The following BEGAIN variants were observed in gnomAD, a reference collection of about 807,000 sequenced individuals.
The protein encoded by BEGAIN is brain-enriched guanylate kinase-associated protein.
A neutral mutation model predicts 35.8 loss-of-function variants in BEGAIN; 19 were observed. The ratio of observed to expected loss-of-function variants is 0.53; its 90% CI spans 0.37 to 0.78. The LOEUF (loss-of-function observed/expected upper bound fraction) is 0.78, where lower values mean the gene tolerates loss of function less well. Among genes scored for constraint, BEGAIN ranks in the 30% least tolerant of loss-of-function variants. The pLI is 0.00. For missense variants in BEGAIN, 795 were observed against 853.6 expected (o/e 0.93, Z 0.85); for synonymous variants, 462 against 388.6 (o/e 1.19, Z -2.22).
intron 2 of BEGAIN, among the ~76,000 whole-genome samples, chr14:100,564,049 C>T (rs1051192913): frequency 2.0e-5 from 3 of 151,330 alleles, no homozygotes; most frequent in Non-Finnish European, 2.9e-5. Flanking sequence ...GTCGGTGTCC[C>T]GGTGACTGCT....
In BEGAIN at chr14:100,537,984, T is replaced by C. The variant is rs1161905606; in HGVS notation, c.1824A>G (p.Gly608=). The C allele has an allele frequency of 1.2e-6, 2 of 1,608,754 alleles. No homozygotes were observed. The highest frequency in any genetic ancestry group is 8.5e-7 in the Non-Finnish European group (1 of 1,178,600). ...ACGCAGGCGCTCAGTTGAGCAAGGTTCCGTAGAGCTGGGCCTTGGTGAGGC... is the reference window on the plus strand; with the variant it reads ...ACGCAGGCGCTCAGTTGAGCAAGGTCCCGTAGAGCTGGGCCTTGGTGAGGC... ...KDSLTKAQLY[G]TLLN is the part of the protein sequence containing the mutation. Residue 608 remains glycine, a synonymous_variant, in exon 7 of 7, where the codon GGA becomes GGG. Transcript: ENST00000554140.
At position 100,537,888 on chromosome 14, in the gene BEGAIN, G is replaced by C; in HGVS notation, c.*81C>G. On this transcript the variant is annotated 3_prime_UTR_variant, in exon 7 of 7. Coordinates refer to ENST00000554140, the MANE Select transcript of BEGAIN (RefSeq NM_001385089.1). ...TGGCCGGGGCAGGGGAACAGCGGGG[G>C]CTGGGGAGAGGTGAGGCCGGCCCTT... is the stretch of plus-strand genomic sequence containing the variant. The C allele has an allele frequency of 5.4e-6, 8 of 1,490,968 alleles. No individual in the cohort carries two copies. The highest frequency in any genetic ancestry group is 7.2e-6 in the Non-Finnish European group (8 of 1,118,638). The allele number at this position is 1,490,968 out of a possible 1,614,324, so 92.4% of individuals were successfully genotyped here.
At chr14:100,578,263 C>G (rs2035245699) in intron 1 of BEGAIN, among the ~76,000 whole-genome samples, 1 of 152,236 alleles carries the variant, frequency 6.6e-6, no homozygotes, top group Admixed American at 6.5e-5. Flanking sequence ...GTGCACAGGG[C>G]CCTAGGCTGG....
At chr14:100,569,003 C>T (rs1440093941) in intron 1 of BEGAIN, 3 of 943,396 alleles carry the variant, frequency 3.2e-6, no homozygotes, top group Non-Finnish European at 3.8e-6. Context: ...GCCGCCTCCC[C>T]CACCGCCCCG....
chr14:100,569,953 G>A (rs987564467), intron 1 of BEGAIN, among the ~76,000 whole-genome samples: 14 of 152,170 alleles, frequency 9.2e-5, no homozygotes, highest in South Asian at 2.1e-4. Flanking sequence ...CGCTTCCCAC[G>A]GCTCCTCACC....
intron 1 of BEGAIN, among the ~76,000 whole-genome samples, chr14:100,580,169 G>T (rs1192017712): frequency 6.6e-6 from 1 of 152,182 alleles, no homozygotes; most frequent in African/African-American, 2.4e-5. Context: ...GCTGGGTGTG[G>T]TGGCGCCTGC....
In BEGAIN at chr14:100,586,497, T is replaced by G. The variant is rs1290567503; in HGVS notation, c.42+752A>C. On this transcript the variant is annotated intron_variant, in intron 1 of 6. Coordinates refer to ENST00000554140, the MANE Select transcript of BEGAIN (RefSeq NM_001385089.1). This position sits in a 1 kb window ranked among gnomAD's most constrained non-coding sequence, Gnocchi z 4.9. ...CTGTTCCTGCCCTGAGGAAACCACA[T>G]TGGGGATGGGGTGGGGCACAGACGA... 6.6e-6 allele frequency among the ~76,000 whole-genome samples: 1 copy of G among 151,824 alleles called. No individual in the cohort carries two copies. The highest frequency in any genetic ancestry group is 6.5e-5 in the Admixed American group (1 of 15,272).
rs1039703002 is a variant in BEGAIN, at chr14:100,568,683, G to T, written c.43-744C>A. 6.6e-6 allele frequency among the ~76,000 whole-genome samples: 1 copy of T among 151,742 alleles called. No individual in the cohort carries two copies. The highest frequency in any genetic ancestry group is 2.4e-5 in the African/African-American group (1 of 41,378). On this transcript the variant is annotated intron_variant, in intron 1 of 6. Coordinates refer to ENST00000554140, the MANE Select transcript of BEGAIN (RefSeq NM_001385089.1). This position sits in a 1 kb window ranked among gnomAD's most constrained non-coding sequence, Gnocchi z 7.5. ...CAGCCCCTCCGCGCGCCGGGCAGGGGGACCCACCCGCCGCCGTTAACCTTG... is the reference window on the plus strand; with the variant it reads ...CAGCCCCTCCGCGCGCCGGGCAGGGTGACCCACCCGCCGCCGTTAACCTTG...
intron 1 of BEGAIN, among the ~76,000 whole-genome samples, chr14:100,585,123 C>T (rs550451419): frequency 6.6e-6 from 1 of 152,254 alleles, no homozygotes; most frequent in Non-Finnish European, 1.5e-5. Context: ...GACCCCACCT[C>T]CTGGGACCCT....
rs1376487028 is a variant in BEGAIN, at chr14:100,567,092, CA to C, written c.71+818del. 6.6e-6 allele frequency among the ~76,000 whole-genome samples: 1 copy of C among 152,170 alleles called. No homozygotes were observed. The highest frequency in any genetic ancestry group is 2.4e-5 in the African/African-American group (1 of 41,436). Reference sequence around the variant, plus strand: ...TGGCGAGGACGGAGACCCTGTGGGCCAGGGGAGACAGTGCTGAAACCCAGCA... The same window carrying C: ...TGGCGAGGACGGAGACCCTGTGGGCCGGGGAGACAGTGCTGAAACCCAGCA... On this transcript the variant is annotated intron_variant, in intron 2 of 6. Transcript: ENST00000554140. This position sits in a 1 kb window ranked among gnomAD's most constrained non-coding sequence, Gnocchi z 5.1.
At chr14:100,577,197 T>G (rs1048446947) in intron 1 of BEGAIN, 9 of 397,776 alleles carry the variant, frequency 2.3e-5, no homozygotes, top group Non-Finnish European at 4.0e-5. Flanking sequence ...TTAAGGTCTT[T>G]CCCGTTACAA....
chr14:100,543,707 C>T (rs2031973410), intron 5 of BEGAIN, 151 bp downstream of exon 5: 3 of 642,098 alleles, frequency 4.7e-6, no homozygotes, highest in East Asian at 2.8e-5. Context: ...TGTCCATCCA[C>T]CTGTACCCTG....
At chr14:100,552,855 C>T (rs763444498) in intron 2 of BEGAIN, among the ~76,000 whole-genome samples, 4 of 152,230 alleles carry the variant, frequency 2.6e-5, no homozygotes, top group Non-Finnish European at 5.9e-5. Context: ...GCTGGGCAGA[C>T]GGATGGACTG....
intron 2 of BEGAIN, 57 bp from the exon 3 acceptor site, chr14:100,546,719 G>C: frequency 6.8e-7 from 1 of 1,475,310 alleles, no homozygotes; most frequent in Non-Finnish European, 8.9e-7. Flanking sequence ...GGAAACTAAG[G>C]CCCGCAGGCC....
chr14:100,549,013 C>T (rs1251665753), intron 2 of BEGAIN: 3 of 152,362 alleles, frequency 2.0e-5, no homozygotes, highest in African/African-American at 7.2e-5. Context: ...TCACACCCCT[C>T]TCTGCCTCAG....
Position 100,538,659 on chromosome 14 carries a change from C to T in BEGAIN, c.1149G>A (p.Val383=). 6.4e-7 allele frequency: 1 copy of T among 1,550,564 alleles called. No individual in the cohort carries two copies. The highest frequency in any genetic ancestry group is 8.7e-7 in the Non-Finnish European group (1 of 1,146,902). The change falls in exon 7 of 7, where the codon GTG becomes GTA. Residue 383 remains valine, a synonymous_variant. Transcript: ENST00000554140. ...ACATGGTCCGCCCGAAGCCTGGGGC[C>T]ACTTCGGCCTCCAGCGGGGCCGCCA... ...AAVAAPLEAE[V]APGFGRTMSP...
At chr14:100,544,953 G>A in intron 4 of BEGAIN, 47 bp downstream of exon 4, 1 of 1,590,252 alleles carries the variant, frequency 6.3e-7, no homozygotes. Context: ...GCTCCCCCCG[G>A]GAAGGAGGTG....
chr14:100,561,011 G>A (rs764611212), intron 2 of BEGAIN, among the ~76,000 whole-genome samples: 11 of 146,074 alleles, frequency 7.5e-5, no homozygotes, highest in South Asian at 4.3e-4. Flanking sequence ...TCCAGCCCTC[G>A]GAAGGATTTT....
chr14:100,570,204 G>A (rs1314394097), intron 1 of BEGAIN, among the ~76,000 whole-genome samples: 2 of 152,232 alleles, frequency 1.3e-5, no homozygotes, highest in East Asian at 1.9e-4. Context: ...TAAAAATCTA[G>A]CATTAATTAT....
Sources: gnomAD v4.1 joint callset for allele counts (sites outside exome capture counted in the v4.1 genomes callset) on GRCh38, gnomAD v4.1.1 for gene constraint, Gnocchi (gnomAD v3.1) non-coding constraint, MANE v1.5 for transcripts, NCBI Gene and HGNC (gene_info 2026-07-23, HGNC 2026-07-21) for gene names.